MSR1: variants seen among roughly 807,000 people sequenced by gnomAD.
MSR1 encodes the protein macrophage scavenger receptor types I and II.
In MSR1, 53 loss-of-function variants were observed where a neutral mutation model predicts 47.2. That is an observed-to-expected ratio of 1.12 (90% CI 0.90 to 1.41). The LOEUF (loss-of-function observed/expected upper bound fraction) is 1.41, where lower values mean the gene tolerates loss of function less well. MSR1 is among the 40% of genes most tolerant of loss of function. The pLI is 0.00. For synonymous variants in MSR1, 239 were observed against 185.6 expected, an observed-to-expected ratio of 1.29 and a Z score of -2.34; for missense variants, 786 against 546.9, an observed-to-expected ratio of 1.44 and a Z score of -4.36.
At chr8:16,121,998 C>G (rs1381764440) in intron 8 of MSR1, among the ~76,000 whole-genome samples, 1 of 151,860 alleles carries the variant, frequency 6.6e-6, no homozygotes, top group Non-Finnish European at 1.5e-5. Context: ...AGATTACTGA[C>G]AATTTCCTGT....
intron 5 of MSR1, among the ~76,000 whole-genome samples, chr8:16,162,254 T>C (rs1801183302): frequency 6.6e-6 from 1 of 151,978 alleles, no homozygotes; most frequent in Non-Finnish European, 1.5e-5. Flanking sequence ...AGCACACTGA[T>C]AGAAGGAATC....
At chr8:16,160,873 A>G (rs917259214) in intron 5 of MSR1, among the ~76,000 whole-genome samples, 1 of 151,944 alleles carries the variant, frequency 6.6e-6, no homozygotes, top group African/African-American at 2.4e-5. Flanking sequence ...AAATTAGGGC[A>G]GAGAAGTAGA....
rs746857380 is a variant in MSR1 at position 16,159,134 on chromosome 8, T to C, written c.818-3990A>G. Among the ~76,000 whole-genome samples the C allele has an allele frequency of 1.3e-4, 19 of 151,620 alleles. 1 individual carries two copies. Among genetic ancestry groups the C allele is most frequent in the Non-Finnish European group, 2.4e-4 (16 of 67,812 alleles). ...CAGCTGTTACAATCTCAGTAATTAA[T>C]TATACAAAACTCCAAATTCAAATGC... On this transcript the variant is annotated intron_variant, in intron 5 of 9. Transcript: ENST00000262101.
At chr8:16,149,159 G>T (rs1800778084) in intron 7 of MSR1, among the ~76,000 whole-genome samples, 1 of 151,998 alleles carries the variant, frequency 6.6e-6, no homozygotes, top group Admixed American at 6.6e-5. Context: ...AGAAAGAGTG[G>T]CCACTAATGT....
At chr8:16,137,319 GC>G (rs1800415729) in intron 8 of MSR1, among the ~76,000 whole-genome samples, 1 of 152,034 alleles carries the variant, frequency 6.6e-6, no homozygotes. Context: ...AACTGAGAAT[GC>G]TTATTTGGAA....
intron 4 of MSR1, among the ~76,000 whole-genome samples, chr8:16,164,582 G>C (rs1289132899): frequency 6.6e-6 from 1 of 151,850 alleles, no homozygotes; most frequent in Non-Finnish European, 1.5e-5. Context: ...TAATTTATCT[G>C]AAGTAAAATG....
At chr8:16,122,772 G>A (rs528075905) in intron 8 of MSR1, among the ~76,000 whole-genome samples, 1 of 151,488 alleles carries the variant, frequency 6.6e-6, no homozygotes, top group East Asian at 1.9e-4. Flanking sequence ...GGGAATGGCT[G>A]ACTGTAAATT....
intron 9 of MSR1, 50 bp from the exon 10 acceptor site, chr8:16,110,268 C>T: frequency 6.2e-7 from 1 of 1,601,838 alleles, no homozygotes; most frequent in Non-Finnish European, 8.5e-7. Context: ...TTTAGTGTTT[C>T]TCTTTGAGTG....
chr8:16,139,759 A>G (rs1800484145), intron 8 of MSR1: 3 of 158,584 alleles, frequency 1.9e-5, no homozygotes, highest in Non-Finnish European at 2.2e-5. Context: ...AAAAAAAAAA[A>G]AAAAAAAAAA....
In MSR1 at chr8:16,183,525, A is replaced by G. The variant is rs374470802; in HGVS notation, c.-4-5533T>C. On this transcript the variant is annotated intron_variant, in intron 1 of 9. Coordinates refer to ENST00000262101, the MANE Select transcript of MSR1 (RefSeq NM_138715.3). The stretch of plus-strand genomic sequence containing the variant: ...ATATTCATTATATAATTACATCTAT[A>G]ACATGTAATACATATTTATATATAC... Among the ~76,000 whole-genome samples, 71 of 146,544 alleles carry G rather than the reference A, an allele frequency of 4.8e-4. No individual in the cohort carries two copies. In the East Asian group the frequency reaches 8.8e-3, roughly 18 times the overall value.
At chr8:16,111,278 G>A (rs190120525) in intron 9 of MSR1, among the ~76,000 whole-genome samples, 147 of 152,182 alleles carry the variant, frequency 9.7e-4, no homozygotes, top group Middle Eastern at 3.4e-3. Context: ...GCCGAAGTAC[G>A]AGACATTTAT....
intron 3 of MSR1, among the ~76,000 whole-genome samples, chr8:16,170,863 C>T (rs527906919): frequency 2.4e-4 from 36 of 152,254 alleles, no homozygotes; most frequent in Non-Finnish European, 4.4e-4. Flanking sequence ...GTAAAAGTAA[C>T]AATTACCTCA....
At chr8:16,126,375 CT>C (rs769097953) in intron 8 of MSR1, among the ~76,000 whole-genome samples, 8 of 151,914 alleles carry the variant, frequency 5.3e-5, no homozygotes, top group Non-Finnish European at 8.8e-5. Flanking sequence ...TCATGATTTC[CT>C]TTTTGTATCA....
chr8:16,109,674 C>G lies in MSR1; in HGVS notation c.*411G>C, dbSNP rs1199599593. ...ACAAAAGATATCTTCTGATCCCTTCCGTTATTCAGAAAGTAATTAAAATCA... is the reference window on the plus strand; with the variant it reads ...ACAAAAGATATCTTCTGATCCCTTCGGTTATTCAGAAAGTAATTAAAATCA... On this transcript the variant is annotated 3_prime_UTR_variant, in exon 10 of 10. Coordinates refer to ENST00000262101, the MANE Select transcript of MSR1 (RefSeq NM_138715.3). 2 of 194,454 alleles carry G rather than the reference C, an allele frequency of 1.0e-5. No homozygotes were observed. Among genetic ancestry groups the G allele is most frequent in the African/African-American group, 4.8e-5 (2 of 41,930 alleles). 12.0% of individuals were successfully genotyped at this position (194,454 alleles called of 1,614,324 possible).
intron 1 of MSR1, among the ~76,000 whole-genome samples, chr8:16,180,182 T>C (rs1801787060): frequency 6.6e-6 from 1 of 151,952 alleles, no homozygotes; most frequent in Non-Finnish European, 1.5e-5. Flanking sequence ...TCTTCTCTCA[T>C]TCACTCTTTC....
intron 7 of MSR1, among the ~76,000 whole-genome samples, chr8:16,145,830 A>G (rs1327077248): frequency 1.3e-5 from 2 of 152,108 alleles, no homozygotes; most frequent in Non-Finnish European, 2.9e-5. Context: ...TCTAATGGAG[A>G]GGAATGTAGT....
chr8:16,142,273 G>C (rs997952443), intron 8 of MSR1, among the ~76,000 whole-genome samples: 1 of 152,168 alleles, frequency 6.6e-6, no homozygotes, highest in East Asian at 1.9e-4. Flanking sequence ...GGAGGTTGCA[G>C]TGAGCCGAGA....
At chr8:16,158,825 A>T (rs542118422) in intron 5 of MSR1, among the ~76,000 whole-genome samples, 116 of 151,712 alleles carry the variant, frequency 7.6e-4, no homozygotes, top group African/African-American at 2.8e-3. Context: ...TTCTAAATTT[A>T]ATTGACTTCA....
rs201726588 is a variant in MSR1 at position 16,174,287 on chromosome 8, T to TA, written c.217+899dup. Among the ~76,000 whole-genome samples, 240 of 152,268 alleles carry TA rather than the reference T, an allele frequency of 1.6e-3. 3 individuals carry two copies. In the East Asian group the frequency reaches 0.041, roughly 26 times the overall value. The stretch of plus-strand genomic sequence containing the variant: ...GTTGTTAAACTGCTTAGTATGCACA[T>TA]AAAAATGTATCTTATTCCCAGCCTA... On this transcript the variant is annotated intron_variant, in intron 3 of 9. Coordinates refer to ENST00000262101, the MANE Select transcript of MSR1 (RefSeq NM_138715.3).
Sources: gnomAD v4.1 joint callset for allele counts (sites outside exome capture counted in the v4.1 genomes callset) on GRCh38, gnomAD v4.1.1 for gene constraint, MANE v1.5 for transcripts, NCBI Gene and HGNC (gene_info 2026-07-23, HGNC 2026-07-21) for gene names.